The following DNAJC16 variants were observed in gnomAD, a reference collection of about 807,000 sequenced individuals.
The protein encoded by DNAJC16 is DnaJ heat shock protein family (Hsp40) member C16.
In DNAJC16, 76 loss-of-function variants were observed where a neutral mutation model predicts 92.7. The observed-to-expected ratio is 0.82, with a 90% CI of 0.68 to 0.99. The LOEUF is 0.99. Among genes scored for constraint, DNAJC16 ranks in the 50% least tolerant of loss-of-function variants. The pLI is 0.00. For synonymous variants in DNAJC16, 328 were observed against 358.7 expected (o/e 0.91, Z 0.97); for missense variants, 869 against 942.4 (o/e 0.92, Z 1.02).
At position 15,571,076 on chromosome 1, in the gene DNAJC16, A is replaced by C. The variant is rs1196724808; in HGVS notation, c.*2899A>C. On this transcript the variant is annotated 3_prime_UTR_variant, in exon 15 of 15. Coordinates refer to ENST00000375847, the MANE Select transcript of DNAJC16 (RefSeq NM_015291.4). ...ATTTTTATCTAACACTGAGGCTATC[A>C]GCTCCAACTAAACAACATTTCAGTG... 1.3e-5 allele frequency: 2 copies of C among 152,100 alleles called. No individual in the cohort carries two copies. The highest frequency in any genetic ancestry group is 2.9e-5 in the Non-Finnish European group (2 of 68,028). The allele number at this position is 152,100 out of a possible 1,614,324, so 9.4% of individuals were successfully genotyped here. A position where few individuals can be genotyped will look rare whatever the true frequency, so the allele number is the denominator to read the frequency against.
At chr1:15,554,413 T>A (rs1252822130) in intron 7 of DNAJC16, among the ~76,000 whole-genome samples, 1 of 152,166 alleles carries the variant, frequency 6.6e-6, no homozygotes, top group Admixed American at 6.5e-5. Context: ...TGGTTCTTCC[T>A]TGTTTCTATT....
chr1:15,531,969 C>G (rs1289306126), intron 2 of DNAJC16, among the ~76,000 whole-genome samples: 2 of 152,178 alleles, frequency 1.3e-5, no homozygotes, highest in Non-Finnish European at 2.9e-5. Flanking sequence ...TCCTCTGATA[C>G]ATTTTACTAA....
intron 7 of DNAJC16, among the ~76,000 whole-genome samples, chr1:15,557,741 T>C (rs915877446): frequency 6.6e-6 from 1 of 151,832 alleles, no homozygotes; most frequent in African/African-American, 2.4e-5. Context: ...TTGGTTTTTT[T>C]TTTTTCTTTT....
chr1:15,542,177 C>CT (rs1304417218), intron 4 of DNAJC16: 1 of 152,176 alleles, frequency 6.6e-6, no homozygotes, highest in Non-Finnish European at 1.5e-5. Flanking sequence ...GCTCGGTTTC[C>CT]TGGGGGGTGG....
rs1025688134 is a variant in DNAJC16 at position 15,526,869 on chromosome 1, A to T, written c.-108A>T. ...CCTCCTCTTTCCCCTCCCCAGGCCC[A>T]GGCGAGCGCTGGTGTGGACGGGAAG... On this transcript the variant is annotated 5_prime_UTR_variant, in exon 1 of 15. Coordinates refer to ENST00000375847, the MANE Select transcript of DNAJC16 (RefSeq NM_015291.4). 2 of 152,546 alleles carry T rather than the reference A, an allele frequency of 1.3e-5. No individual in the cohort carries two copies. The highest frequency in any genetic ancestry group is 4.8e-5 in the African/African-American group (2 of 41,484). The allele number at this position is 152,546 out of a possible 1,614,324, so 9.4% of individuals were successfully genotyped here. A position where few individuals can be genotyped will look rare whatever the true frequency, so the allele number is the denominator to read the frequency against.
At chr1:15,561,233 C>T (rs1341448023) in intron 8 of DNAJC16, among the ~76,000 whole-genome samples, 1 of 151,740 alleles carries the variant, frequency 6.6e-6, no homozygotes, top group Non-Finnish European at 1.5e-5. Flanking sequence ...CTGACATATA[C>T]TAAGTGCTCA....
At chr1:15,561,412 C>T (rs968462874) in intron 8 of DNAJC16, among the ~76,000 whole-genome samples, 7 of 152,166 alleles carry the variant, frequency 4.6e-5, no homozygotes, top group Admixed American at 6.5e-5. Context: ...CGGCCAGGAA[C>T]AGTGGCTCAC....
intron 7 of DNAJC16, among the ~76,000 whole-genome samples, chr1:15,551,654 C>T (rs1304847702): frequency 6.6e-6 from 1 of 150,984 alleles, no homozygotes; most frequent in Admixed American, 6.6e-5. Flanking sequence ...CACTCTGTCA[C>T]TCAGGCTGGA....
chr1:15,527,792 A>G (rs1710553915), intron 1 of DNAJC16, among the ~76,000 whole-genome samples: 1 of 152,244 alleles, frequency 6.6e-6, no homozygotes, highest in Admixed American at 6.5e-5. Context: ...CCACTGTTAT[A>G]GCTTTGCCCT....
intron 2 of DNAJC16, among the ~76,000 whole-genome samples, chr1:15,533,310 CAA>C: frequency 6.6e-6 from 1 of 152,146 alleles, no homozygotes; most frequent in Non-Finnish European, 1.5e-5. Flanking sequence ...CCAGCCTGGA[CAA>C]CATGGCAAAA....
At chr1:15,531,977 T>C in intron 2 of DNAJC16, among the ~76,000 whole-genome samples, 1 of 152,268 alleles carries the variant, frequency 6.6e-6, no homozygotes, top group South Asian at 2.1e-4. Flanking sequence ...TACATTTTAC[T>C]AAGTGTTTCT....
Position 15,544,440 on chromosome 1 carries a change from C to G in DNAJC16, c.616C>G (p.Leu206Val), listed in dbSNP as rs780332727. The G allele has an allele frequency of 7.4e-6, 12 of 1,614,050 alleles. No homozygotes were observed. The South Asian group carries it at 1.1e-4, about 15-fold the overall frequency. ...GVVHAGYERR[L>V]AHHLGAHSTP... ...GGTCCATGCTGGGTATGAGAGACGCCTGGCCCATCACCTAGGGGCACACAG... is the reference window on the plus strand; with the variant it reads ...GGTCCATGCTGGGTATGAGAGACGCGTGGCCCATCACCTAGGGGCACACAG... Residue 206 changes from leucine to valine, a missense_variant, in exon 5 of 15, where the codon CTG becomes GTG. Coordinates refer to ENST00000375847, the MANE Select transcript of DNAJC16 (RefSeq NM_015291.4).
rs369212460 is a variant in DNAJC16 at position 15,567,276 on chromosome 1, ATG to A, written c.1949+18_1949+19del. The A allele has an allele frequency of 2.2e-5, 35 of 1,607,676 alleles. No homozygotes were observed. Among genetic ancestry groups the A allele is most frequent in the East Asian group, 9.0e-5 (4 of 44,682 alleles). On this transcript the variant is annotated splice_region_variant and intron_variant, in intron 14 of 14. Coordinates refer to ENST00000375847, the MANE Select transcript of DNAJC16 (RefSeq NM_015291.4). ...AGGTCTACACATTTACTGGGTAAGCATGTGTGTGTGTGCATGTATGTATGTGT... is the reference window on the plus strand; with the variant it reads ...AGGTCTACACATTTACTGGGTAAGCATGTGTGTGTGCATGTATGTATGTGT...
At chr1:15,552,625 C>CT (rs896969482) in intron 7 of DNAJC16, among the ~76,000 whole-genome samples, 10 of 151,134 alleles carry the variant, frequency 6.6e-5, no homozygotes, top group South Asian at 6.3e-4. Flanking sequence ...CAGATTTCTT[C>CT]TTTTTTTTAT....
At chr1:15,547,797 A>G (rs1570913740) in intron 6 of DNAJC16, among the ~76,000 whole-genome samples, 1 of 151,962 alleles carries the variant, frequency 6.6e-6, no homozygotes, top group South Asian at 2.1e-4. Context: ...CATATAACCC[A>G]CCCAAGTTCT....
In DNAJC16 at chr1:15,548,409, G is replaced by GT; in HGVS notation, c.1004_1005insT (p.Arg335SerfsTer17). The GT allele has an allele frequency of 1.2e-6, 2 of 1,612,586 alleles. No homozygotes were observed. Among genetic ancestry groups the GT allele is most frequent in the Non-Finnish European group, 1.7e-6 (2 of 1,179,256 alleles). On this transcript the variant is annotated frameshift_variant, in exon 7 of 15. Coordinates refer to ENST00000375847, the MANE Select transcript of DNAJC16 (RefSeq NM_015291.4). LOFTEE classifies it high-confidence loss of function. ...TTGGTCTTTAAAGAACATATAAACAGGCCTGCCGATGTTATCCAGGTACGT... is the reference window on the plus strand; with the variant it reads ...TTGGTCTTTAAAGAACATATAAACAGTGCCTGCCGATGTTATCCAGGTACGT...
chr1:15,534,151 T>A (rs1292328180), intron 2 of DNAJC16, 86 bp from the exon 3 acceptor site: 19 of 1,365,852 alleles, frequency 1.4e-5, no homozygotes, highest in African/African-American at 4.4e-5. Context: ...CGTCTGCCTC[T>A]GTAGTGAACT....
At chr1:15,562,376 C>G in intron 9 of DNAJC16, 51 bp downstream of exon 9, 1 of 1,504,038 alleles carries the variant, frequency 6.6e-7, no homozygotes, top group Non-Finnish European at 9.0e-7. Flanking sequence ...CCATGTGGCA[C>G]TTGATTCTGT....
At position 15,562,263 on chromosome 1, in the gene DNAJC16, C is replaced by A. The variant is rs147821055; in HGVS notation, c.1276C>A (p.Arg426=). The change falls in exon 9 of 15, where the codon CGG becomes AGG. Residue 426 remains arginine, a synonymous_variant. Coordinates refer to ENST00000375847, the MANE Select transcript of DNAJC16 (RefSeq NM_015291.4). ...GAGATTTGTGCATGTCTACAGCAAT[C>A]GGCAGCAGGAGTTTGCCGACACCTT... ...TVRFVHVYSN[R]QQEFADTLLP... 1.9e-6 allele frequency: 3 copies of A among 1,613,976 alleles called. No homozygotes were observed. The African/African-American group carries it at 4.0e-5, about 22-fold the overall frequency.
Sources: allele counts gnomAD v4.1 joint callset (sites outside exome capture counted in the v4.1 genomes callset), GRCh38; gene constraint gnomAD v4.1.1; transcripts MANE v1.5; gene names NCBI Gene and HGNC (gene_info 2026-07-23, HGNC 2026-07-21).